The following R3HCC1L variants were observed in gnomAD, a reference collection of about 807,000 sequenced individuals.
R3HCC1L encodes the protein R3H domain and coiled-coil containing 1 like.
In R3HCC1L, 51 loss-of-function variants were observed where a neutral mutation model predicts 59.9. That is an observed-to-expected ratio of 0.85 (90% CI 0.68 to 1.07). R3HCC1L has a LOEUF of 1.07. R3HCC1L is among the 50% of genes least tolerant of loss of function. The pLI, the probability that R3HCC1L is intolerant of heterozygous loss-of-function variation, is 0.00. For synonymous variants in R3HCC1L, 322 were observed against 315.2 expected, an observed-to-expected ratio of 1.02 and a Z score of -0.23; for missense variants, 965 against 933.0, an observed-to-expected ratio of 1.03 and a Z score of -0.45.
At chr10:98,163,659 G>A (rs1847655732) in intron 4 of R3HCC1L, among the ~76,000 whole-genome samples, 1 of 152,138 alleles carries the variant, frequency 6.6e-6, no homozygotes, top group Non-Finnish European at 1.5e-5. Context: ...TTTCAAAGTT[G>A]GATCACTAGC....
At chr10:98,184,180 T>A (rs1564660504) in intron 4 of R3HCC1L, among the ~76,000 whole-genome samples, 1 of 152,076 alleles carries the variant, frequency 6.6e-6, no homozygotes, top group African/African-American at 2.4e-5. Flanking sequence ...GGATTTAGTT[T>A]GTCAGAGAGT....
chr10:98,192,477 G>T (rs1850972234), intron 4 of R3HCC1L, among the ~76,000 whole-genome samples: 1 of 152,084 alleles, frequency 6.6e-6, no homozygotes, highest in Non-Finnish European at 1.5e-5. Context: ...TGCAACTGAT[G>T]CCACAGAAAT....
intron 3 of R3HCC1L, 104 bp downstream of exon 3, chr10:98,163,079 G>A (rs1042737579): frequency 1.4e-5 from 3 of 221,164 alleles, no homozygotes; most frequent in Admixed American, 5.8e-5. Flanking sequence ...TCAGGTCTGA[G>A]AATGACAGAA....
At chr10:98,201,456 A>G (rs982673869) in intron 4 of R3HCC1L, among the ~76,000 whole-genome samples, 2 of 152,344 alleles carry the variant, frequency 1.3e-5, no homozygotes. Flanking sequence ...TTAAGTTGAT[A>G]AAACTTAAAG....
At chr10:98,217,559 G>T (rs575466415) in intron 5 of R3HCC1L, among the ~76,000 whole-genome samples, 1 of 152,024 alleles carries the variant, frequency 6.6e-6, no homozygotes, top group Non-Finnish European at 1.5e-5. Context: ...AAGAATTGTC[G>T]TTGGTATTTT....
chr10:98,140,317 A>G (rs569156243), intron 1 of R3HCC1L, among the ~76,000 whole-genome samples: 1 of 152,328 alleles, frequency 6.6e-6, no homozygotes, highest in South Asian at 2.1e-4. Context: ...AAATATTAAA[A>G]GGAAAAGTAA....
chr10:98,161,277 G>A (rs1847388998), intron 2 of R3HCC1L, among the ~76,000 whole-genome samples: 1 of 152,096 alleles, frequency 6.6e-6, no homozygotes, highest in Non-Finnish European at 1.5e-5. Context: ...CTTGTTATTA[G>A]TGAAGTTGAA....
intron 2 of R3HCC1L, among the ~76,000 whole-genome samples, chr10:98,159,907 G>A (rs1467108343): frequency 6.6e-6 from 1 of 152,168 alleles, no homozygotes; most frequent in Non-Finnish European, 1.5e-5. Flanking sequence ...GGCCTTCTCA[G>A]CTGACATCTG....
intron 4 of R3HCC1L, among the ~76,000 whole-genome samples, chr10:98,164,727 G>T (rs1847770381): frequency 6.6e-6 from 1 of 152,150 alleles, no homozygotes; most frequent in Non-Finnish European, 1.5e-5. Flanking sequence ...TGAATTGTTG[G>T]GCAGCAGTTG....
rs574819677 is a variant in R3HCC1L at position 98,244,370 on chromosome 10, C to T, written c.*212C>T. The T allele has an allele frequency of 1.4e-5, 6 of 435,640 alleles. No homozygotes were observed. Among genetic ancestry groups the T allele is most frequent in the East Asian group, 7.7e-5 (2 of 25,826 alleles). 27.0% of individuals were successfully genotyped at this position (435,640 alleles called of 1,614,324 possible). A position where few individuals can be genotyped will look rare whatever the true frequency, so the allele number is the denominator to read the frequency against. ...TTTGGAATCACCCTACTGTGGTGGG[C>T]GTAGTAGGGAGCCATCAGCTAGGAA... On this transcript the variant is annotated 3_prime_UTR_variant, in exon 10 of 10. Transcript: ENST00000298999.
intron 1 of R3HCC1L, among the ~76,000 whole-genome samples, chr10:98,152,529 C>G (rs1846303865): frequency 7.7e-6 from 1 of 129,672 alleles, no homozygotes; most frequent in African/African-American, 2.5e-5. Flanking sequence ...CCCGGCCGCC[C>G]AGTCTGGGAA....
chr10:98,149,682 G>T (rs1350425553), intron 1 of R3HCC1L, among the ~76,000 whole-genome samples: 1 of 152,098 alleles, frequency 6.6e-6, no homozygotes, highest in Admixed American at 6.5e-5. Context: ...TTGTTCCATT[G>T]TAGTCAGAAA....
At chr10:98,135,429 C>A (rs1290748671) in intron 1 of R3HCC1L, among the ~76,000 whole-genome samples, 1 of 152,194 alleles carries the variant, frequency 6.6e-6, no homozygotes, top group Non-Finnish European at 1.5e-5. Context: ...GCCCTGCGGC[C>A]TTCCAGGGTT....
In R3HCC1L at chr10:98,163,378, A is replaced by G; in HGVS notation, c.-34A>G. Reference sequence around the variant, plus strand: ...ATGTTGTAGAGTTTTATTACTAAGAAAATAAATGTTACTTACATGGTAAGT... The same window carrying G: ...ATGTTGTAGAGTTTTATTACTAAGAGAATAAATGTTACTTACATGGTAAGT... On this transcript the variant is annotated 5_prime_UTR_variant, in exon 4 of 10. Coordinates refer to ENST00000298999, the MANE Select transcript of R3HCC1L (RefSeq NM_001351015.2). 7.5e-7 allele frequency: 1 copy of G among 1,341,476 alleles called. No individual in the cohort carries two copies. The highest frequency in any genetic ancestry group is 1.5e-5 in the African/African-American group (1 of 67,942). 83.1% of individuals were successfully genotyped at this position (1,341,476 alleles called of 1,614,324 possible). A position where few individuals can be genotyped will look rare whatever the true frequency, so the allele number is the denominator to read the frequency against.
intron 4 of R3HCC1L, among the ~76,000 whole-genome samples, chr10:98,181,825 A>T (rs1849660045): frequency 6.6e-6 from 1 of 152,178 alleles, no homozygotes. Flanking sequence ...CTTGTGCATG[A>T]GTCACATAGT....
chr10:98,173,222 G>T (rs1404715945), intron 4 of R3HCC1L, among the ~76,000 whole-genome samples: 1 of 152,120 alleles, frequency 6.6e-6, no homozygotes, highest in Non-Finnish European at 1.5e-5. Context: ...TGAATAATTG[G>T]TTGTGTACCA....
At chr10:98,172,150 A>G (rs1848578654) in intron 4 of R3HCC1L, among the ~76,000 whole-genome samples, 1 of 152,300 alleles carries the variant, frequency 6.6e-6, no homozygotes, top group South Asian at 2.1e-4. Flanking sequence ...GACAAACTCT[A>G]GGTTGTTTGA....
chr10:98,205,660 G>A (rs1037797178), intron 4 of R3HCC1L, among the ~76,000 whole-genome samples: 3 of 151,924 alleles, frequency 2.0e-5, no homozygotes, highest in African/African-American at 7.3e-5. Context: ...TGCTTTGGTA[G>A]GAAATAGATA....
chr10:98,235,365 A>G (rs1856812534), intron 7 of R3HCC1L, 60 bp from the exon 8 acceptor site: 3 of 1,385,576 alleles, frequency 2.2e-6, no homozygotes, highest in Non-Finnish European at 3.1e-6. Flanking sequence ...AGCTATCCCT[A>G]GTTTTTCCTT....
Sources: allele counts gnomAD v4.1 joint callset (sites outside exome capture counted in the v4.1 genomes callset), GRCh38; gene constraint gnomAD v4.1.1; transcripts MANE v1.5; gene names NCBI Gene and HGNC (gene_info 2026-07-23, HGNC 2026-07-21).